The following KCNU1 variants were observed in gnomAD, a reference collection of about 807,000 sequenced individuals.
KCNU1 encodes the protein potassium calcium-activated channel subfamily U member 1.
Under a neutral mutation model 126.8 loss-of-function variants are expected in KCNU1, and 93 were observed. The ratio of observed to expected loss-of-function variants is 0.73; its 90% confidence interval spans 0.62 to 0.87. The LOEUF is 0.87. Among genes scored for constraint, KCNU1 ranks in the 40% least tolerant of loss-of-function variants. KCNU1 has a pLI of 0.00. For missense variants in KCNU1, 1,330 were observed against 1,367.1 expected, an observed-to-expected ratio of 0.97 and a Z score of 0.43; for synonymous variants, 523 against 494.2, an observed-to-expected ratio of 1.06 and a Z score of -0.77.
intron 14 of KCNU1, 148 bp from the exon 15 acceptor site, chr8:36,840,315 T>C (rs1804901115): frequency 3.5e-6 from 2 of 570,358 alleles, no homozygotes; most frequent in Non-Finnish European, 3.1e-6. Flanking sequence ...TCCTTTAACA[T>C]TTCTCTAGTT....
chr8:36,812,216 C>T (rs955939333), intron 7 of KCNU1, among the ~76,000 whole-genome samples: 1 of 151,166 alleles, frequency 6.6e-6, no homozygotes, highest in African/African-American at 2.4e-5. Flanking sequence ...CCTGTCTCTA[C>T]TAAAAATAGA....
intron 19 of KCNU1, among the ~76,000 whole-genome samples, chr8:36,874,574 C>G (rs1806213570): frequency 6.6e-6 from 1 of 152,104 alleles, no homozygotes; most frequent in South Asian, 2.1e-4. Context: ...GGCATCATCC[C>G]TGAGCCGGGC....
intron 26 of KCNU1, among the ~76,000 whole-genome samples, chr8:36,934,929 T>C (rs1435225945): frequency 6.6e-6 from 1 of 151,860 alleles, no homozygotes; most frequent in Non-Finnish European, 1.5e-5. Context: ...CCAGTCAGGG[T>C]TTCAAATGAA....
At chr8:36,795,617 C>G (rs1386560007) in intron 2 of KCNU1, 9 of 152,454 alleles carry the variant, frequency 5.9e-5, no homozygotes, top group African/African-American at 4.8e-5. Flanking sequence ...CCAAACTTCT[C>G]CTGTCCATAG....
chr8:36,927,038 C>T (rs775610385), intron 24 of KCNU1, among the ~76,000 whole-genome samples: 3 of 152,102 alleles, frequency 2.0e-5, no homozygotes, highest in African/African-American at 2.4e-5. Flanking sequence ...CTCCATAGTG[C>T]TCTTCCACCT....
At chr8:36,893,864 G>A (rs1807075778) in intron 19 of KCNU1, among the ~76,000 whole-genome samples, 2 of 152,066 alleles carry the variant, frequency 1.3e-5, no homozygotes, top group East Asian at 1.9e-4. Context: ...CTGGAAGAAT[G>A]TCCCTTGTAG....
intron 7 of KCNU1, among the ~76,000 whole-genome samples, chr8:36,812,771 C>CA (rs1436191730): frequency 6.6e-6 from 1 of 152,142 alleles, no homozygotes; most frequent in Non-Finnish European, 1.5e-5. Flanking sequence ...AGAAGGCTGC[C>CA]ATCTCCCTTC....
Position 36,808,813 on chromosome 8 carries a change from C to T in KCNU1, c.732+20C>T. ...CACCTGGTAAGCATCTCATCACAAT[C>T]CCTAGTGGTGTCTGTTGTTACCAGC... On this transcript the variant is annotated intron_variant, in intron 7 of 26. Transcript: ENST00000399881. 3 of 1,561,724 alleles carry T rather than the reference C, an allele frequency of 1.9e-6. No homozygotes were observed. The highest frequency in any genetic ancestry group is 1.4e-5 in the African/African-American group (1 of 73,788).
At chr8:36,919,187 A>C (rs1808242126) in intron 23 of KCNU1, among the ~76,000 whole-genome samples, 2 of 152,192 alleles carry the variant, frequency 1.3e-5, no homozygotes, top group African/African-American at 4.8e-5. Context: ...GGGGCCATCG[A>C]TATGAAGACT....
chr8:36,822,836 T>G (rs1563277152), intron 10 of KCNU1, among the ~76,000 whole-genome samples: 1 of 152,102 alleles, frequency 6.6e-6, no homozygotes, highest in South Asian at 2.1e-4. Context: ...GTTTTATGAG[T>G]GGGCGCATAA....
rs1193092382 is a variant in KCNU1 at position 36,814,321 on chromosome 8, G to A, written c.847G>A (p.Val283Ile). The A allele has an allele frequency of 1.9e-6, 3 of 1,613,034 alleles. No individual in the cohort carries two copies. The highest frequency in any genetic ancestry group is 2.5e-6 in the Non-Finnish European group (3 of 1,179,418). Residue 283 changes from valine to isoleucine, a missense_variant, in exon 8 of 27, where the codon GTA (valine) becomes ATA (isoleucine). Physicochemically the swap from Val to Ile is conservative, Grantham distance 29. Coordinates refer to ENST00000399881, the MANE Select transcript of KCNU1 (RefSeq NM_001031836.3). ...TTSTVGFGDV[V>I]AKTSLGRTFI... The stretch of plus-strand genomic sequence containing the variant: ...GTCAACCGTTGGATTTGGAGATGTG[G>A]TAGCCAAGACATCCTTAGGACGGAC...
At chr8:36,876,452 A>G (rs1242949670) in intron 19 of KCNU1, among the ~76,000 whole-genome samples, 1 of 152,232 alleles carries the variant, frequency 6.6e-6, no homozygotes, top group Non-Finnish European at 1.5e-5. Context: ...ACATGTTTGT[A>G]TAATTACACA....
chr8:36,859,622 C>CT (rs1563300014), intron 18 of KCNU1, among the ~76,000 whole-genome samples: 2 of 152,128 alleles, frequency 1.3e-5, no homozygotes, highest in Non-Finnish European at 2.9e-5. Flanking sequence ...CTGAATCCCT[C>CT]TTTTTTTGAT....
At chr8:36,859,081 AGTACCAT>A (rs1805637066) in intron 18 of KCNU1, among the ~76,000 whole-genome samples, 1 of 152,198 alleles carries the variant, frequency 6.6e-6, no homozygotes, top group South Asian at 2.1e-4. Context: ...ATGGCAGCAG[AGTACCAT>A]GAAATGCTCA....
At chr8:36,859,966 T>A (rs932242264) in intron 18 of KCNU1, among the ~76,000 whole-genome samples, 1 of 152,200 alleles carries the variant, frequency 6.6e-6, no homozygotes, top group South Asian at 2.1e-4. Flanking sequence ...ATGCCACCCA[T>A]GGGAGCACAA....
intron 13 of KCNU1, 39 bp downstream of exon 13, chr8:36,836,404 A>T: frequency 7.4e-7 from 1 of 1,352,292 alleles, no homozygotes. Context: ...TCCTCCTTTT[A>T]TCTATATAGC....
intron 22 of KCNU1, among the ~76,000 whole-genome samples, chr8:36,911,531 T>A (rs1251296774): frequency 6.6e-6 from 1 of 152,148 alleles, no homozygotes; most frequent in Non-Finnish European, 1.5e-5. Flanking sequence ...GGTCAAATTG[T>A]TAGTTTTGTG....
At chr8:36,847,120 G>A (rs1805179071) in intron 18 of KCNU1, among the ~76,000 whole-genome samples, 1 of 152,142 alleles carries the variant, frequency 6.6e-6, no homozygotes, top group Non-Finnish European at 1.5e-5. Flanking sequence ...CTTTGGGTCA[G>A]GCTCTATCAT....
chr8:36,832,436 A>AT (rs1362278797), intron 10 of KCNU1, among the ~76,000 whole-genome samples: 3 of 151,778 alleles, frequency 2.0e-5, no homozygotes, highest in East Asian at 3.9e-4. Context: ...TAGGCTTTTT[A>AT]TTTTTTCTAG....
Sources: gnomAD v4.1 joint callset for allele counts (sites outside exome capture counted in the v4.1 genomes callset) on GRCh38, gnomAD v4.1.1 for gene constraint, MANE v1.5 for transcripts, NCBI Gene and HGNC (gene_info 2026-07-23, HGNC 2026-07-21) for gene names.